The following LTC4S variants were observed in gnomAD, a reference collection of about 807,000 sequenced individuals.
LTC4S encodes LTC4 synthase.
In LTC4S, 18 loss-of-function variants were observed where a neutral mutation model predicts 19.6. The ratio of observed to expected loss-of-function variants is 0.92; its 90% CI spans 0.64 to 1.36. The LOEUF (loss-of-function observed/expected upper bound fraction) is 1.36. LTC4S is among the 40% of genes most tolerant of loss of function. LTC4S has a pLI of 0.00. For synonymous variants in LTC4S, 126 were observed against 110.1 expected (o/e 1.14, Z -0.91); for missense variants, 235 against 212.2 (o/e 1.11, Z -0.67).
intron 1 of LTC4S, 169 bp from the exon 2 acceptor site, chr5:179,795,415 C>T: frequency 1.4e-6 from 2 of 1,469,644 alleles, no homozygotes; most frequent in East Asian, 2.5e-5. Flanking sequence ...ACAGGGCAGG[C>T]CAGGGATGGG....
rs1466229319 is a variant in LTC4S at position 179,796,269 on chromosome 5, G to A, written c.328G>A (p.Ala110Thr). ...SAQLRLAPLY[A>T]SARALWLLVA... ...CGCCCGCAGGCTGGCACCGCTGTAC[G>A]CGAGCGCGCGCGCCCTCTGGCTGCT... Residue 110 changes from alanine to threonine, a missense_variant, in exon 5 of 5, where the codon GCG (alanine) becomes ACG (threonine). Coordinates refer to ENST00000292596, the MANE Select transcript of LTC4S (RefSeq NM_145867.2). 5.5e-6 allele frequency: 8 copies of A among 1,467,382 alleles called. No homozygotes were observed. The Admixed American group carries it at 1.7e-4, about 31-fold the overall frequency. The allele number at this position is 1,467,382 out of a possible 1,614,324, so 90.9% of individuals were successfully genotyped here.
In LTC4S at chr5:179,795,793, T is replaced by C. The variant is rs1756589561; in HGVS notation, c.166T>C (p.Cys56Arg). ...CCCACCCGCCCACCGCAGGGTGAAC[T>C]GCAGCGAGTACTTCCCGCTGTTCCT... ...FERVYRAQVN[C>R]SEYFPLFLAT... is the part of the protein sequence containing the mutation. The change falls in exon 3 of 5, where the codon TGC becomes CGC. Residue 56 changes from cysteine (C) to arginine (R), a missense_variant. Coordinates refer to ENST00000292596, the MANE Select transcript of LTC4S (RefSeq NM_145867.2). 7.1e-6 allele frequency: 10 copies of C among 1,404,748 alleles called. No homozygotes were observed. The highest frequency in any genetic ancestry group is 1.0e-5 in the Non-Finnish European group (10 of 1,000,468). 87.0% of individuals were successfully genotyped at this position (1,404,748 alleles called of 1,614,324 possible). A position where few individuals can be genotyped will look rare whatever the true frequency, so the allele number is the denominator to read the frequency against.
Position 179,796,115 on chromosome 5 carries a change from C to G in LTC4S, c.311+93C>G, listed in dbSNP as rs931495968. The G allele has an allele frequency of 3.1e-6, 4 of 1,290,064 alleles. No homozygotes were observed. The African/African-American group carries it at 6.3e-5, about 20-fold the overall frequency. 79.9% of individuals were successfully genotyped at this position (1,290,064 alleles called of 1,614,324 possible). On this transcript the variant is annotated intron_variant, in intron 4 of 4. Transcript: ENST00000292596. ...CGGGACCGAAGCTGGGGGCGGGCGA[C>G]GGGCCGGAGCCCAGCGCCTTTGGGG...
In LTC4S at chr5:179,795,892, C is replaced by A. The variant is rs569958461; in HGVS notation, c.229+36C>A. On this transcript the variant is annotated intron_variant, in intron 3 of 4. Coordinates refer to ENST00000292596, the MANE Select transcript of LTC4S (RefSeq NM_145867.2). ...GGGGCAGGGGCGCACGCGCTGGACCCCCGGGACCCGCGCAGGGCGCTCACC... is the reference window on the plus strand; with the variant it reads ...GGGGCAGGGGCGCACGCGCTGGACCACCGGGACCCGCGCAGGGCGCTCACC... 1.4e-4 allele frequency: 228 copies of A among 1,595,416 alleles called. 1 individual carries two copies. The South Asian group carries it at 2.4e-3, about 17-fold the overall frequency.
chr5:179,796,582 C>A lies in LTC4S; in HGVS notation c.*188C>A. Reference sequence around the variant, plus strand: ...CTACGGAGCCTGGAGGGGCCCAGCCCGAGTCCGGGCAGCCCGGGGCGGGCT... The same window carrying A: ...CTACGGAGCCTGGAGGGGCCCAGCCAGAGTCCGGGCAGCCCGGGGCGGGCT... On this transcript the variant is annotated 3_prime_UTR_variant, in exon 5 of 5. Transcript: ENST00000292596. 1.1e-6 allele frequency: 1 copy of A among 870,548 alleles called. No homozygotes were observed. Among genetic ancestry groups the A allele is most frequent in the Non-Finnish European group, 1.6e-6 (1 of 640,672 alleles). 53.9% of individuals were successfully genotyped at this position (870,548 alleles called of 1,614,324 possible). A position where few individuals can be genotyped will look rare whatever the true frequency, so the allele number is the denominator to read the frequency against.
intron 4 of LTC4S, 21 bp from the exon 5 acceptor site, chr5:179,796,232 C>CCCGCCGA (rs1337671896): frequency 5.1e-5 from 73 of 1,445,514 alleles, no homozygotes; most frequent in Non-Finnish European, 6.5e-5. Flanking sequence ...GCGCCACCTC[C>CCCGCCGA]CCGCTGACCG....
In LTC4S at chr5:179,794,271, C is replaced by G. The variant is rs188234584; in HGVS notation, c.58+133C>G. 26 of 1,183,384 alleles carry G rather than the reference C, an allele frequency of 2.2e-5. No homozygotes were observed. The African/African-American group carries it at 3.9e-4, about 18-fold the overall frequency. 73.3% of individuals were successfully genotyped at this position (1,183,384 alleles called of 1,614,324 possible). A position where few individuals can be genotyped will look rare whatever the true frequency, so the allele number is the denominator to read the frequency against. ...CAAGCTGGAAGAGGGTGGGGACTTT[C>G]AGGGAACTGGGGGGCACCTGGCTGT... On this transcript the variant is annotated intron_variant, in intron 1 of 4. Coordinates refer to ENST00000292596, the MANE Select transcript of LTC4S (RefSeq NM_145867.2).
chr5:179,795,924 G>C lies in LTC4S; in HGVS notation c.230-17G>C. 4 of 1,577,552 alleles carry C rather than the reference G, an allele frequency of 2.5e-6. No individual in the cohort carries two copies. Among genetic ancestry groups the C allele is most frequent in the Non-Finnish European group, 3.4e-6 (4 of 1,166,248 alleles). On this transcript the variant is annotated splice_polypyrimidine_tract_variant and intron_variant, in intron 3 of 4. Transcript: ENST00000292596. ...CCCGCGCAGGGCGCTCACCAGGCCC[G>C]TGCGTACCTCTCGCAGGGGCGGCGG... is the stretch of plus-strand genomic sequence containing the variant.
intron 2 of LTC4S, 32 bp downstream of exon 2, chr5:179,795,715 A>C (rs1339252094): frequency 1.3e-6 from 2 of 1,566,924 alleles, no homozygotes; most frequent in South Asian, 2.3e-5. Context: ...CGGGGCGGGG[A>C]GCGAGCCCCA....
chr5:179,796,108 C>A, intron 4 of LTC4S, 86 bp downstream of exon 4: 3 of 1,299,942 alleles, frequency 2.3e-6, no homozygotes, highest in Non-Finnish European at 3.0e-6. Context: ...AAGCTGGGGG[C>A]GGGCGACGGG....
intron 2 of LTC4S, 26 bp downstream of exon 2, chr5:179,795,709 G>C (rs759627589): frequency 1.3e-6 from 2 of 1,572,438 alleles, no homozygotes; most frequent in South Asian, 2.3e-5. Context: ...AGGGCGCGGG[G>C]CGGGGAGCGA....
At chr5:179,795,127 C>T (rs116280439) in intron 1 of LTC4S, among the ~76,000 whole-genome samples, 1,932 of 152,252 alleles carry the variant, frequency 0.013, 34 homozygotes, top group African/African-American at 0.044. Context: ...TGACCAGGGA[C>T]TGTTAGCTAC....
At position 179,796,197 on chromosome 5, in the gene LTC4S, C is replaced by T; in HGVS notation, c.312-56C>T. 8 of 1,351,906 alleles carry T rather than the reference C, an allele frequency of 5.9e-6. No homozygotes were observed. In the South Asian group the frequency reaches 7.3e-5, roughly 12 times the overall value. The allele number at this position is 1,351,906 out of a possible 1,614,324, so 83.7% of individuals were successfully genotyped here. ...GGAAGTCCCCGTGGGGCCAGGGTTG[C>T]GGCGGGGAAGAAGCGGGCCTCCTCG... is the stretch of plus-strand genomic sequence containing the variant. On this transcript the variant is annotated intron_variant, in intron 4 of 4. Coordinates refer to ENST00000292596, the MANE Select transcript of LTC4S (RefSeq NM_145867.2).
In LTC4S at chr5:179,796,050, G is replaced by A. The variant is rs1212217799; in HGVS notation, c.311+28G>A. 14 of 1,499,658 alleles carry A rather than the reference G, an allele frequency of 9.3e-6. No homozygotes were observed. In the East Asian group the frequency reaches 3.7e-4, roughly 40 times the overall value. The allele number at this position is 1,499,658 out of a possible 1,614,324, so 92.9% of individuals were successfully genotyped here. A position where few individuals can be genotyped will look rare whatever the true frequency, so the allele number is the denominator to read the frequency against. On this transcript the variant is annotated intron_variant, in intron 4 of 4. Transcript: ENST00000292596. ...GAGGGCCGGGCGGGGAGCGGGGCGG[G>A]GCCGGGGAAAGATCGCGGGCGGGCG...
chr5:179,796,292 GC>G lies in LTC4S; in HGVS notation c.352del (p.Leu118TrpfsTer63), dbSNP rs1756622268. On this transcript the variant is annotated frameshift_variant, in exon 5 of 5. Coordinates refer to ENST00000292596, the MANE Select transcript of LTC4S (RefSeq NM_145867.2). LOFTEE classifies it high-confidence loss of function. ...LYASARALWL[L>X]VALAALGLLA... ...ACGCGAGCGCGCGCGCCCTCTGGCT[GC>G]TGGTGGCGCTGGCTGCGCTCGGCCT... 2.0e-6 allele frequency: 3 copies of G among 1,472,562 alleles called. No individual in the cohort carries two copies. The East Asian group carries it at 8.8e-5, about 43-fold the overall frequency. 91.2% of individuals were successfully genotyped at this position (1,472,562 alleles called of 1,614,324 possible). A position where few individuals can be genotyped will look rare whatever the true frequency, so the allele number is the denominator to read the frequency against.
At position 179,795,438 on chromosome 5, in the gene LTC4S, T is replaced by TCTC. The variant is rs1756571880; in HGVS notation, c.59-142_59-140dup. ...GGCCAGGGATGGGTGAGACGAGAGG[T>TCTC]CTCCTCGGGCGGGGAGGGGGCGGGG... is the stretch of plus-strand genomic sequence containing the variant. On this transcript the variant is annotated intron_variant, in intron 1 of 4. Transcript: ENST00000292596. The TCTC allele has an allele frequency of 4.1e-6, 6 of 1,479,366 alleles. 1 individual carries two copies. In the South Asian group the frequency reaches 6.7e-5, roughly 16 times the overall value. 91.6% of individuals were successfully genotyped at this position (1,479,366 alleles called of 1,614,324 possible). A position where few individuals can be genotyped will look rare whatever the true frequency, so the allele number is the denominator to read the frequency against.
chr5:179,794,109 C>A lies in LTC4S; in HGVS notation c.29C>A (p.Ala10Asp). The change falls in exon 1 of 5, where the codon GCT becomes GAT. Residue 10 changes from alanine (A) to aspartate (D), a missense_variant. Physicochemically the swap from Ala to Asp is moderately radical, Grantham distance 126. Transcript: ENST00000292596. ...AAGGACGAGGTAGCTCTACTGGCTG[C>A]TGTCACCCTCCTGGGAGTCCTGCTG... MKDEVALLA[A>D]VTLLGVLLQA... 6.2e-7 allele frequency: 1 copy of A among 1,613,518 alleles called. No homozygotes were observed. Among genetic ancestry groups the A allele is most frequent in the Non-Finnish European group, 8.5e-7 (1 of 1,179,982 alleles).
Position 179,795,635 on chromosome 5 carries a change from C to T in LTC4S, c.110C>T (p.Pro37Leu). 6.2e-7 allele frequency: 1 copy of T among 1,609,966 alleles called. No homozygotes were observed. The highest frequency in any genetic ancestry group is 8.5e-7 in the Non-Finnish European group (1 of 1,179,170). ...ISARRAFRVS[P>L]PLTTGPPEFE... Reference sequence around the variant, plus strand: ...GCGCGCAGGGCCTTCCGCGTGTCGCCGCCGCTCACCACCGGCCCACCCGAG... The same window carrying T: ...GCGCGCAGGGCCTTCCGCGTGTCGCTGCCGCTCACCACCGGCCCACCCGAG... Residue 37 changes from proline to leucine, a missense_variant, in exon 2 of 5, where the codon CCG becomes CTG. Coordinates refer to ENST00000292596, the MANE Select transcript of LTC4S (RefSeq NM_145867.2).
In LTC4S at chr5:179,795,691, G is replaced by T; in HGVS notation, c.158+8G>T. 1 of 1,589,436 alleles carries T rather than the reference G, an allele frequency of 6.3e-7. No individual in the cohort carries two copies. Among genetic ancestry groups the T allele is most frequent in the South Asian group, 1.1e-5 (1 of 88,500 alleles). On this transcript the variant is annotated splice_region_variant and intron_variant, in intron 2 of 4. Coordinates refer to ENST00000292596, the MANE Select transcript of LTC4S (RefSeq NM_145867.2). ...GCGCGTCTACCGAGCCCAGTGAGGC[G>T]CGGCGGGAGGGCGCGGGGCGGGGAG...
Sources: allele counts gnomAD v4.1 joint callset (sites outside exome capture counted in the v4.1 genomes callset), GRCh38; gene constraint gnomAD v4.1.1; transcripts MANE v1.5; gene names NCBI Gene and HGNC (gene_info 2026-07-23, HGNC 2026-07-21).